QARS1: variants seen among roughly 807,000 people sequenced by gnomAD.
QARS1 encodes the protein glutaminyl-tRNA synthetase 1.
In QARS1, 79 loss-of-function variants were observed where a neutral mutation model predicts 106.9. That is an observed-to-expected ratio of 0.74 (90% CI 0.62 to 0.89). QARS1 has a LOEUF of 0.89. QARS1 is among the 40% of genes least tolerant of loss of function. The pLI is 0.00. For missense variants in QARS1, 966 were observed against 997.2 expected (o/e 0.97, Z 0.42); for synonymous variants, 395 against 367.7 (o/e 1.07, Z -0.85).
At chr3:49,098,759 C>T (rs1559966417) in intron 19 of QARS1, 67 bp from the exon 20 acceptor site, 2 of 1,506,614 alleles carry the variant, frequency 1.3e-6, no homozygotes, top group Non-Finnish European at 1.8e-6. Flanking sequence ...AGCTTCCCTA[C>T]CCCCGTGTCT....
chr3:49,096,389 T>C (rs2042391472), intron 23 of QARS1, among the ~76,000 whole-genome samples: 1 of 152,146 alleles, frequency 6.6e-6, no homozygotes, highest in Admixed American at 6.5e-5. Flanking sequence ...GGTGGGCTGG[T>C]GCAGTGGCTC....
At chr3:49,096,910 G>C (rs914860564) in intron 23 of QARS1, among the ~76,000 whole-genome samples, 3 of 150,370 alleles carry the variant, frequency 2.0e-5, no homozygotes, top group African/African-American at 7.4e-5. Flanking sequence ...GCTTGAGCCT[G>C]GGAGGCGGAG....
In QARS1 at chr3:49,104,713, C is replaced by T. The variant is rs2107115428; in HGVS notation, c.21G>A (p.Leu7=). The T allele has an allele frequency of 1.2e-6, 2 of 1,612,814 alleles. No homozygotes were observed. Among genetic ancestry groups the T allele is most frequent in the Non-Finnish European group, 1.7e-6 (2 of 1,179,364 alleles). ...TCAGGCCGAGGCTAGTGAAGAGCGA[C>T]AGGGAGTCTAGAGCCGCCATTGCAG... MAALDS[L]SLFTSLGLSE... is the part of the protein sequence containing the mutation. The change falls in exon 1 of 24, where the codon CTG becomes CTA. Residue 7 remains leucine (L), a synonymous_variant. Coordinates refer to ENST00000306125, the MANE Select transcript of QARS1 (RefSeq NM_005051.3).
chr3:49,103,699 G>A lies in QARS1; in HGVS notation c.383C>T (p.Ala128Val). 6.2e-7 allele frequency: 1 copy of A among 1,613,570 alleles called. No homozygotes were observed. The highest frequency in any genetic ancestry group is 8.5e-7 in the Non-Finnish European group (1 of 1,179,760). ...TPEQIEEAVE[A>V]AINRHRPQLL... ...CTGGGGCCGGTGCCTGTTAATAGCAGCCTCCACCTGCAGAAAGCCAAACCA... is the reference window on the plus strand; with the variant it reads ...CTGGGGCCGGTGCCTGTTAATAGCAACCTCCACCTGCAGAAAGCCAAACCA... The change falls in exon 4 of 24, where the codon GCT becomes GTT. Residue 128 changes from alanine (A) to valine (V), a missense_variant. Physicochemically the swap from Ala to Val is moderately conservative, Grantham distance 64. Coordinates refer to ENST00000306125, the MANE Select transcript of QARS1 (RefSeq NM_005051.3).
intron 5 of QARS1, 26 bp downstream of exon 5, chr3:49,103,319 G>T: frequency 6.2e-7 from 1 of 1,612,298 alleles, no homozygotes; most frequent in Non-Finnish European, 8.5e-7. Flanking sequence ...GTCTTTGCCA[G>T]CTTCAGCTTA....
In QARS1 at chr3:49,101,891, C is replaced by G. The variant is rs1412447475; in HGVS notation, c.640G>C (p.Ala214Pro). 1 of 1,610,482 alleles carries G rather than the reference C, an allele frequency of 6.2e-7. No individual in the cohort carries two copies. The highest frequency in any genetic ancestry group is 8.5e-7 in the Non-Finnish European group (1 of 1,178,428). Residue 214 changes from alanine to proline, a missense_variant, in exon 8 of 24, where the codon GCT (alanine) becomes CCT (proline). Ala to Pro is a conservative substitution (Grantham distance 27, BLOSUM62 -1). Coordinates refer to ENST00000306125, the MANE Select transcript of QARS1 (RefSeq NM_005051.3). ...AKDVVENGET[A>P]DQTLSLMEQL... ...TCCATCAGAGACAGGGTCTGGTCAGCAGTCTCGCCTGTGGGGAACAAAACA... is the reference window on the plus strand; with the variant it reads ...TCCATCAGAGACAGGGTCTGGTCAGGAGTCTCGCCTGTGGGGAACAAAACA...
In QARS1 at chr3:49,101,844, A is replaced by C. The variant is rs1479459378; in HGVS notation, c.687T>G (p.Leu229=). The change falls in exon 8 of 24, where the codon CTT becomes CTG. Residue 229 remains leucine (L), a synonymous_variant. Coordinates refer to ENST00000306125, the MANE Select transcript of QARS1 (RefSeq NM_005051.3). ...SLMEQLRGEA[L]KFHKPGENYK... is the part of the protein sequence containing the mutation. ...CCCACTAACCAGGCTTGTGGAACTTAAGGGCCTCCCCCCGGAGCTGCTCCA... is the reference window on the plus strand; with the variant it reads ...CCCACTAACCAGGCTTGTGGAACTTCAGGGCCTCCCCCCGGAGCTGCTCCA... 1.2e-6 allele frequency: 2 copies of C among 1,612,478 alleles called. No homozygotes were observed. The highest frequency in any genetic ancestry group is 1.7e-6 in the Non-Finnish European group (2 of 1,179,272).
Position 49,098,073 on chromosome 3 carries a change from C to G in QARS1, c.2196G>C (p.Val732=), listed in dbSNP as rs760340811. Residue 732 remains valine, a synonymous_variant, in exon 23 of 24, where the codon GTG becomes GTC. Transcript: ENST00000306125. ...ACTTGTCGAAGGGTTTTGCCAGGGCCACAGAGCAGTCCACTAATGCTGCAT... is the reference window on the plus strand; with the variant it reads ...ACTTGTCGAAGGGTTTTGCCAGGGCGACAGAGCAGTCCACTAATGCTGCAT... ...VVDAALVDCS[V]ALAKPFDKFQ... 6.2e-7 allele frequency: 1 copy of G among 1,614,192 alleles called. No individual in the cohort carries two copies. Among genetic ancestry groups the G allele is most frequent in the Admixed American group, 1.7e-5 (1 of 60,028 alleles).
In QARS1 at chr3:49,098,243, GTTC is replaced by G. The variant is rs1401628038; in HGVS notation, c.2097_2099del (p.Lys699del). The G allele has an allele frequency of 6.2e-7, 1 of 1,614,160 alleles. No homozygotes were observed. Among genetic ancestry groups the G allele is most frequent in the Admixed American group, 1.7e-5 (1 of 60,016 alleles). On this transcript the variant is annotated inframe_deletion, in exon 22 of 24. Transcript: ENST00000306125. ...CAGGCACCTCAGTAGGATCTTCAGG[GTTC>G]TTGTGCTGGAATCTGCAGCCAAAGT...
chr3:49,099,968 C>A lies in QARS1; in HGVS notation c.1288G>T (p.Asp430Tyr), dbSNP rs753924453. 1.2e-5 allele frequency: 19 copies of A among 1,614,094 alleles called. No individual in the cohort carries two copies. The highest frequency in any genetic ancestry group is 1.4e-5 in the Non-Finnish European group (17 of 1,180,038). ...ACCCCATTCTACACCCACCATTTGT[C>A]CCCTGTGCGGTGGTGTGGTGTATAC... is the stretch of plus-strand genomic sequence containing the variant. ...VKYTPHHRTG[D>Y]KWCIYPTYDY... Residue 430 changes from aspartate (D) to tyrosine (Y), a missense_variant, in exon 14 of 24, where the codon GAC becomes TAC. Transcript: ENST00000306125.
chr3:49,099,052 G>A, intron 18 of QARS1, 58 bp downstream of exon 18: 1 of 1,613,544 alleles, frequency 6.2e-7, no homozygotes. Flanking sequence ...CATGCCCAGA[G>A]CCAAGTGTAC....
At chr3:49,102,769 A>G (rs1371886285) in intron 5 of QARS1, 5 of 456,676 alleles carry the variant, frequency 1.1e-5, no homozygotes, top group Non-Finnish European at 4.2e-6. Flanking sequence ...AGCCCTTCTG[A>G]GTACCTGGGA....
In QARS1 at chr3:49,099,798, T is replaced by A; in HGVS notation, c.1351A>T (p.Ile451Phe). The A allele has an allele frequency of 6.2e-7, 1 of 1,614,036 alleles. No individual in the cohort carries two copies. The highest frequency in any genetic ancestry group is 8.5e-7 in the Non-Finnish European group (1 of 1,180,002). Residue 451 changes from isoleucine (I) to phenylalanine (F), a missense_variant, in exon 15 of 24, where the codon ATC becomes TTC. By Grantham distance (21) the Ile-to-Phe change is conservative. Coordinates refer to ENST00000306125, the MANE Select transcript of QARS1 (RefSeq NM_005051.3). ...THCLCDSIEH[I>F]THSLCTKEFQ... ...TCCTTGGTGCAGAGTGAGTGAGTGA[T>A]GTGCTCGATGGAGTCACAGAGGCAG... is the stretch of plus-strand genomic sequence containing the variant.
intron 23 of QARS1, chr3:49,097,090 G>A (rs1432312560): frequency 2.6e-5 from 4 of 152,258 alleles, no homozygotes; most frequent in Admixed American, 2.0e-4. Context: ...ACTGCTTGAA[G>A]CCAGTAATTC....
chr3:49,103,757 C>A (rs763271408), intron 3 of QARS1, 51 bp from the exon 4 acceptor site: 2 of 1,605,584 alleles, frequency 1.2e-6, no homozygotes, highest in East Asian at 4.5e-5. Context: ...TAGAGATATT[C>A]TGGGAACCCA....
Position 49,099,976 on chromosome 3 carries a change from C to G in QARS1, c.1280G>C (p.Arg427Pro). The part of the protein sequence containing the change: ...AYRVKYTPHH[R>P]TGDKWCIYPT... ...CTACACCCACCATTTGTCCCCTGTGCGGTGGTGTGGTGTATACTTGACTCG... is the reference window on the plus strand; with the variant it reads ...CTACACCCACCATTTGTCCCCTGTGGGGTGGTGTGGTGTATACTTGACTCG... The change falls in exon 14 of 24, where the codon CGC (arginine) becomes CCC (proline). Residue 427 changes from arginine (R) to proline (P), a missense_variant. Arg to Pro is a moderately radical substitution (Grantham distance 103). Coordinates refer to ENST00000306125, the MANE Select transcript of QARS1 (RefSeq NM_005051.3). 6.2e-7 allele frequency: 1 copy of G among 1,614,180 alleles called. No homozygotes were observed. Among genetic ancestry groups the G allele is most frequent in the Non-Finnish European group, 8.5e-7 (1 of 1,180,040 alleles).
Position 49,102,470 on chromosome 3 carries a change from G to A in QARS1, c.519C>T (p.Val173=). Residue 173 remains valine, a splice_region_variant and synonymous_variant, in exon 6 of 24, where the codon GTC becomes GTT. Transcript: ENST00000306125. ...CCAACTTGGGGCCCAGAAGGTGGAG[G>A]ACCTGAGCAGAGACCAGAATCAGGC... ...KMIKNEVDMQ[V]LHLLGPKLEA... is the part of the protein sequence containing the mutation. 1 of 1,614,080 alleles carries A rather than the reference G, an allele frequency of 6.2e-7. No individual in the cohort carries two copies. Among genetic ancestry groups the A allele is most frequent in the Non-Finnish European group, 8.5e-7 (1 of 1,180,020 alleles).
intron 4 of QARS1, 96 bp downstream of exon 4, chr3:49,103,535 C>A: frequency 6.4e-7 from 1 of 1,557,078 alleles, no homozygotes; most frequent in Non-Finnish European, 8.8e-7. Context: ...CACTTTAAGT[C>A]ACTCCTGTTC....
In QARS1 at chr3:49,100,433, A is replaced by G. The variant is rs778288296; in HGVS notation, c.1002T>C (p.Tyr334=). The change falls in exon 12 of 24, where the codon TAT becomes TAC. Residue 334 remains tyrosine (Y), a synonymous_variant. Coordinates refer to ENST00000306125, the MANE Select transcript of QARS1 (RefSeq NM_005051.3). The part of the protein sequence containing the change: ...WLGYTPYKVT[Y]ASDYFDQLYA... The stretch of plus-strand genomic sequence containing the variant: ...ATAGCTGGTCAAAATAGTCAGACGC[A>G]TATGTGACTTTGTAAGGTGTGTAGC... The G allele has an allele frequency of 8.7e-6, 14 of 1,614,118 alleles. No homozygotes were observed. The South Asian group carries it at 9.9e-5, about 11-fold the overall frequency.
Sources: allele counts gnomAD v4.1 joint callset (sites outside exome capture counted in the v4.1 genomes callset), GRCh38; gene constraint gnomAD v4.1.1; transcripts MANE v1.5; gene names NCBI Gene and HGNC (gene_info 2026-07-23, HGNC 2026-07-21).